The following ERBB4 variants were observed in gnomAD, a reference collection of about 807,000 sequenced individuals.
The protein encoded by ERBB4 is erb-b2 receptor tyrosine kinase 4, also known as receptor tyrosine-protein kinase erbB-4.
Under a neutral mutation model 158.0 loss-of-function variants are expected in ERBB4, and 42 were observed. The ratio of observed to expected loss-of-function variants is 0.27; its 90% CI spans 0.21 to 0.34. The LOEUF (loss-of-function observed/expected upper bound fraction) is 0.34. Among genes scored for constraint, ERBB4 ranks in the 10% least tolerant of loss-of-function variants. The pLI is 1.00. For missense variants in ERBB4, 1,333 were observed against 1,624.1 expected, an observed-to-expected ratio of 0.82 and a Z score of 3.08; for synonymous variants, 583 against 558.7, an observed-to-expected ratio of 1.04 and a Z score of -0.61.
chr2:212,496,919 C>T (rs1057335601), intron 1 of ERBB4, among the ~76,000 whole-genome samples: 1 of 152,026 alleles, frequency 6.6e-6, no homozygotes, highest in African/African-American at 2.4e-5. Flanking sequence ...GTGGTTCACT[C>T]CTGTAATCCC....
chr2:211,941,299 T>C (rs963649994), intron 3 of ERBB4, among the ~76,000 whole-genome samples: 9 of 151,688 alleles, frequency 5.9e-5, no homozygotes, highest in Non-Finnish European at 1.3e-4. Context: ...ATATGCTGAA[T>C]AGATCTTCTA....
At chr2:211,675,643 T>A (rs1274137189) in intron 13 of ERBB4, among the ~76,000 whole-genome samples, 1 of 151,476 alleles carries the variant, frequency 6.6e-6, no homozygotes, top group African/African-American at 2.4e-5. Context: ...CAGTGATTTA[T>A]ATGACATGGA....
intron 1 of ERBB4, among the ~76,000 whole-genome samples, chr2:212,347,988 A>G (rs964916069): frequency 1.3e-5 from 2 of 152,090 alleles, no homozygotes; most frequent in African/African-American, 2.4e-5. Context: ...ATTTTTATAT[A>G]TGTTGGATGG....
chr2:212,000,943 A>G (rs987141904), intron 2 of ERBB4, among the ~76,000 whole-genome samples: 8 of 151,990 alleles, frequency 5.3e-5, no homozygotes, highest in Admixed American at 4.6e-4. Context: ...ACATTTAAGA[A>G]AGAGAGAACA....
At chr2:211,649,587 A>T (rs2070907236) in intron 16 of ERBB4, among the ~76,000 whole-genome samples, 2 of 152,004 alleles carry the variant, frequency 1.3e-5, no homozygotes, top group South Asian at 2.1e-4. Context: ...TCAGGAAAAA[A>T]CATGGTGTTT....
intron 3 of ERBB4, among the ~76,000 whole-genome samples, chr2:211,840,355 T>G (rs746832277): frequency 2.6e-4 from 39 of 151,896 alleles, no homozygotes; most frequent in Non-Finnish European, 1.2e-4. Flanking sequence ...CAATTAAACC[T>G]CTTTCCTTTA....
At chr2:211,691,568 A>ATGTGTGTGTGTGTGTGTGTG (rs61091828) in intron 12 of ERBB4, among the ~76,000 whole-genome samples, 7 of 139,146 alleles carry the variant, frequency 5.0e-5, no homozygotes, top group Middle Eastern at 3.6e-3. Flanking sequence ...ATAGAAACAT[A>ATGTGTGTGTGTGTGTGTGTG]TGTGTGTGTG....
chr2:212,040,831 C>A (rs1332135958), intron 2 of ERBB4, among the ~76,000 whole-genome samples: 1 of 152,076 alleles, frequency 6.6e-6, no homozygotes, highest in Admixed American at 6.6e-5. Context: ...TGATTTTTAC[C>A]CTTTGCCTTC....
chr2:211,934,304 T>C (rs2080254204), intron 3 of ERBB4, among the ~76,000 whole-genome samples: 1 of 151,996 alleles, frequency 6.6e-6, no homozygotes. Context: ...CATTTATACT[T>C]GGATATTTCA....
At chr2:211,909,081 C>T (rs1017644080) in intron 3 of ERBB4, among the ~76,000 whole-genome samples, 4 of 151,572 alleles carry the variant, frequency 2.6e-5, no homozygotes, top group African/African-American at 9.7e-5. Context: ...AAGTAAGCTA[C>T]ATACCCTGAA....
intron 12 of ERBB4, among the ~76,000 whole-genome samples, chr2:211,695,137 ACT>A (rs1339735217): frequency 6.6e-6 from 1 of 152,140 alleles, no homozygotes; most frequent in Non-Finnish European, 1.5e-5. Context: ...TTAAGCAAAC[ACT>A]GTTTTATTCT....
chr2:211,995,795 AG>A (rs926591418), intron 2 of ERBB4, among the ~76,000 whole-genome samples: 2 of 152,108 alleles, frequency 1.3e-5, no homozygotes, highest in Non-Finnish European at 2.9e-5. Flanking sequence ...CACCCAGCAA[AG>A]CTTTCCAGCT....
chr2:211,768,312 A>T (rs2075607204), intron 4 of ERBB4, among the ~76,000 whole-genome samples: 1 of 152,138 alleles, frequency 6.6e-6, no homozygotes, highest in African/African-American at 2.4e-5. Flanking sequence ...GAGTATCTGC[A>T]GCTTTTCCAG....
intron 3 of ERBB4, among the ~76,000 whole-genome samples, chr2:211,855,926 T>C (rs1401406085): frequency 6.6e-6 from 1 of 152,152 alleles, no homozygotes; most frequent in East Asian, 1.9e-4. Flanking sequence ...ATAAAAAAGA[T>C]TCTACAGATG....
intron 3 of ERBB4, among the ~76,000 whole-genome samples, chr2:211,892,965 C>T (rs62184539): frequency 0.089 from 12,956 of 145,752 alleles, 883 homozygotes; most frequent in South Asian, 0.22. Context: ...GAATCAATAT[C>T]GTGAAAATGG....
chr2:211,521,837 G>A (rs1169504778), intron 20 of ERBB4, among the ~76,000 whole-genome samples: 1 of 152,064 alleles, frequency 6.6e-6, no homozygotes. Flanking sequence ...GAAACAACAA[G>A]GCCCAGATGA....
intron 3 of ERBB4, among the ~76,000 whole-genome samples, chr2:211,810,066 G>T (rs1461499019): frequency 6.6e-6 from 1 of 152,108 alleles, no homozygotes; most frequent in Non-Finnish European, 1.5e-5. Context: ...AGTTTGTTGT[G>T]ATTTCTGTTC....
chr2:212,213,479 T>C (rs9653338), intron 1 of ERBB4, among the ~76,000 whole-genome samples: 1 of 151,924 alleles, frequency 6.6e-6, no homozygotes, highest in African/African-American at 2.4e-5. Context: ...CAGTTTTTAA[T>C]GTAGATCTTA....
intron 20 of ERBB4, among the ~76,000 whole-genome samples, chr2:211,482,563 A>G (rs748410735): frequency 2.0e-4 from 30 of 152,204 alleles, no homozygotes; most frequent in Non-Finnish European, 4.0e-4. Flanking sequence ...TCAAAGATCA[A>G]AATGTACACA....
Sources: gnomAD v4.1 joint callset for allele counts (sites outside exome capture counted in the v4.1 genomes callset) on GRCh38, gnomAD v4.1.1 for gene constraint, MANE v1.5 for transcripts, NCBI Gene and HGNC (gene_info 2026-07-23, HGNC 2026-07-21) for gene names.